PHACTR1: variants seen among roughly 807,000 people sequenced by gnomAD.
The protein encoded by PHACTR1 is RPEL repeat containing 1.
A neutral mutation model predicts 69.2 loss-of-function variants in PHACTR1; 16 were observed. The ratio of observed to expected loss-of-function variants is 0.23; its 90% CI spans 0.16 to 0.35. The LOEUF is 0.35. PHACTR1 is among the 10% of genes least tolerant of loss of function. The probability of loss-of-function intolerance (pLI) is 1.00; values close to 1 mark genes in which losing one functional copy is unlikely to be tolerated. For synonymous variants in PHACTR1, 312 were observed against 284.5 expected, an observed-to-expected ratio of 1.10 and a Z score of -0.97; for missense variants, 510 against 734.7, an observed-to-expected ratio of 0.69 and a Z score of 3.54.
At chr6:13,124,404 C>T (rs757135715) in intron 5 of PHACTR1, among the ~76,000 whole-genome samples, 16 of 152,094 alleles carry the variant, frequency 1.1e-4, no homozygotes, top group African/African-American at 1.7e-4. Flanking sequence ...CAAAATCATC[C>T]GAGAGCATTT....
intron 4 of PHACTR1, among the ~76,000 whole-genome samples, chr6:12,813,992 C>T (rs1389166455): frequency 2.0e-5 from 3 of 152,170 alleles, no homozygotes; most frequent in Non-Finnish European, 4.4e-5. Context: ...CAGTGGATGC[C>T]CAGTTCTGAG....
At chr6:13,010,201 C>T (rs1386173347) in intron 4 of PHACTR1, among the ~76,000 whole-genome samples, 1 of 152,078 alleles carries the variant, frequency 6.6e-6, no homozygotes, top group Admixed American at 6.5e-5. Context: ...GATCTCGGCT[C>T]ACTGCAATGT....
intron 6 of PHACTR1, among the ~76,000 whole-genome samples, chr6:13,180,439 C>T (rs558658756): frequency 1.3e-5 from 2 of 152,248 alleles, no homozygotes; most frequent in Admixed American, 1.3e-4. Flanking sequence ...ACCAGCCAAG[C>T]CCAGGATTCA....
At chr6:12,993,096 G>C (rs1189542948) in intron 4 of PHACTR1, among the ~76,000 whole-genome samples, 1 of 152,190 alleles carries the variant, frequency 6.6e-6, no homozygotes, top group Non-Finnish European at 1.5e-5. Context: ...ATTCACCTGT[G>C]TAAGCTTCTA....
intron 3 of PHACTR1, among the ~76,000 whole-genome samples, chr6:12,726,389 C>G (rs556703954): frequency 6.6e-6 from 1 of 152,292 alleles, no homozygotes; most frequent in East Asian, 1.9e-4. Context: ...GTCCAGAAAG[C>G]CAGCTCTGAG....
chr6:13,118,870 T>C (rs1818219924), intron 5 of PHACTR1, among the ~76,000 whole-genome samples: 1 of 152,166 alleles, frequency 6.6e-6, no homozygotes, highest in Non-Finnish European at 1.5e-5. Flanking sequence ...TTTAGCTACA[T>C]ACTAGACTCA....
intron 4 of PHACTR1, among the ~76,000 whole-genome samples, chr6:13,012,997 T>C (rs750962057): frequency 6.6e-6 from 1 of 152,226 alleles, no homozygotes; most frequent in Non-Finnish European, 1.5e-5. Context: ...ATTGTGATTG[T>C]GCCACAACAC....
At chr6:13,135,378 G>A (rs1561881722) in intron 5 of PHACTR1, among the ~76,000 whole-genome samples, 5 of 152,164 alleles carry the variant, frequency 3.3e-5, no homozygotes. Context: ...CTGCGGAGTC[G>A]CTGTTAGACA....
At chr6:13,014,958 C>G (rs1418883963) in intron 4 of PHACTR1, among the ~76,000 whole-genome samples, 1 of 152,206 alleles carries the variant, frequency 6.6e-6, no homozygotes, top group African/African-American at 2.4e-5. Context: ...AGGCGGTTCC[C>G]GAGCAGCTCA....
chr6:12,889,797 CTTTTTT>C (rs4053036), intron 4 of PHACTR1, among the ~76,000 whole-genome samples: 1 of 132,990 alleles, frequency 7.5e-6, no homozygotes, highest in East Asian at 2.3e-4. Flanking sequence ...CTCCTTCTTC[CTTTTTT>C]TTTTTTTTTT....
intron 3 of PHACTR1, among the ~76,000 whole-genome samples, chr6:12,730,940 G>A (rs1763422252): frequency 6.6e-6 from 1 of 151,888 alleles, no homozygotes. Flanking sequence ...CTTTCTTATG[G>A]CTGTGGTACA....
At chr6:13,231,300 AAG>A (rs1422754397) in intron 10 of PHACTR1, among the ~76,000 whole-genome samples, 4 of 27,968 alleles carry the variant, frequency 1.4e-4, no homozygotes, top group African/African-American at 2.2e-4. Context: ...GAGAGAGCGA[AAG>A]AGAAGGAGGG....
chr6:12,934,843 A>AC (rs897711687), intron 4 of PHACTR1, among the ~76,000 whole-genome samples: 5 of 151,888 alleles, frequency 3.3e-5, no homozygotes, highest in African/African-American at 1.2e-4. Context: ...CTCAAAAAAA[A>AC]AAACAAAAAA....
chr6:12,866,316 A>G (rs1781448160), intron 4 of PHACTR1, among the ~76,000 whole-genome samples: 2 of 152,148 alleles, frequency 1.3e-5, no homozygotes, highest in Admixed American at 6.5e-5. Context: ...TTTCCTGGTA[A>G]AGAAAAAGAG....
At chr6:13,254,544 G>GATATCTGAATACCCAAA (rs1491474432) in intron 10 of PHACTR1, among the ~76,000 whole-genome samples, 7 of 152,172 alleles carry the variant, frequency 4.6e-5, no homozygotes, top group Admixed American at 4.6e-4. Flanking sequence ...GATATCCATA[G>GATATCTGAATACCCAAA]TGTCCCAAAT....
intron 5 of PHACTR1, among the ~76,000 whole-genome samples, chr6:13,061,744 A>C (rs190670791): frequency 6.6e-6 from 1 of 152,296 alleles, no homozygotes; most frequent in East Asian, 1.9e-4. Flanking sequence ...GAAAAAAAGG[A>C]AATTTCCTCT....
chr6:13,069,523 C>T (rs1431706642), intron 5 of PHACTR1, among the ~76,000 whole-genome samples: 3 of 152,092 alleles, frequency 2.0e-5, no homozygotes, highest in African/African-American at 7.2e-5. Flanking sequence ...GCCTGACTCT[C>T]CTGGAGTACT....
intron 5 of PHACTR1, among the ~76,000 whole-genome samples, chr6:13,066,271 C>T (rs1009855461): frequency 6.6e-6 from 1 of 152,310 alleles, no homozygotes; most frequent in Admixed American, 6.5e-5. Context: ...TTGAGCAGAG[C>T]ATCTGGCACA....
intron 6 of PHACTR1, among the ~76,000 whole-genome samples, chr6:13,171,644 T>C (rs1421771255): frequency 6.6e-6 from 1 of 152,242 alleles, no homozygotes; most frequent in Non-Finnish European, 1.5e-5. Context: ...TTTTGTTCAA[T>C]TTTAACGAAC....
Sources: allele counts gnomAD v4.1 joint callset (sites outside exome capture counted in the v4.1 genomes callset), GRCh38; gene constraint gnomAD v4.1.1; transcripts MANE v1.5; gene names NCBI Gene and HGNC (gene_info 2026-07-23, HGNC 2026-07-21).